MCU: variants seen among roughly 807,000 people sequenced by gnomAD.
The protein encoded by MCU is mitochondrial calcium uniporter.
A neutral mutation model predicts 45.2 loss-of-function variants in MCU; 12 were observed. The ratio of observed to expected loss-of-function variants is 0.27; its 90% CI spans 0.17 to 0.43. The LOEUF (loss-of-function observed/expected upper bound fraction) is 0.43, where lower values mean the gene tolerates loss of function less well. Ranked by LOEUF, MCU falls within the 20% of genes least tolerant of loss-of-function variation. MCU has a pLI of 1.00. For missense variants in MCU, 324 were observed against 436.7 expected (o/e 0.74, Z 2.30); for synonymous variants, 160 against 165.1 (o/e 0.97, Z 0.24).
chr10:72,847,010 C>T (rs574817595), intron 2 of MCU, among the ~76,000 whole-genome samples: 1 of 152,274 alleles, frequency 6.6e-6, no homozygotes, highest in South Asian at 2.1e-4. Context: ...CTCACCCTGT[C>T]GCCCGGGCTG....
chr10:72,725,280 C>T (rs1452935025), intron 1 of MCU, among the ~76,000 whole-genome samples: 1 of 152,168 alleles, frequency 6.6e-6, no homozygotes, highest in African/African-American at 2.4e-5. Context: ...TGCCTGCTAC[C>T]ACACCTGGCT....
intron 1 of MCU, among the ~76,000 whole-genome samples, chr10:72,772,688 A>G (rs1158372892): frequency 6.6e-6 from 1 of 152,218 alleles, no homozygotes; most frequent in South Asian, 2.1e-4. Context: ...TGACAGAGTG[A>G]GACTCTGTCT....
In MCU at chr10:72,791,688, A is replaced by G. The variant is rs530274738; in HGVS notation, c.151-42671A>G. On this transcript the variant is annotated intron_variant, in intron 1 of 7. Coordinates refer to ENST00000373053, the MANE Select transcript of MCU (RefSeq NM_138357.3). ...TTGAAATGCACAAATCACCGGTGCA[A>G]CTAATCTGAATAATTAGTAACTGAG... Among the ~76,000 whole-genome samples, 4 of 152,254 alleles carry G rather than the reference A, an allele frequency of 2.6e-5. No individual in the cohort carries two copies. The East Asian group carries it at 7.7e-4, about 29-fold the overall frequency.
chr10:72,831,202 G>A (rs1346198426), intron 1 of MCU, among the ~76,000 whole-genome samples: 2 of 152,180 alleles, frequency 1.3e-5, no homozygotes, highest in South Asian at 2.1e-4. Context: ...AATAAATGAT[G>A]TTGTCATGTT....
intron 1 of MCU, among the ~76,000 whole-genome samples, chr10:72,740,719 A>C (rs1296121455): frequency 6.6e-6 from 1 of 152,254 alleles, no homozygotes; most frequent in African/African-American, 2.4e-5. Context: ...TCAAACCAGC[A>C]GGTGCTATGA....
chr10:72,858,809 C>G (rs920040656), intron 2 of MCU, among the ~76,000 whole-genome samples: 1 of 152,190 alleles, frequency 6.6e-6, no homozygotes, highest in African/African-American at 2.4e-5. Context: ...GTCCTACAGG[C>G]TATGAAGTCT....
chr10:72,834,322 C>G (rs764531879), intron 1 of MCU, 37 bp from the exon 2 acceptor site: 1 of 1,516,530 alleles, frequency 6.6e-7, no homozygotes, highest in Non-Finnish European at 9.2e-7. Flanking sequence ...GTTTGTTGTT[C>G]CATTCTGACA....
intron 1 of MCU, among the ~76,000 whole-genome samples, chr10:72,810,007 CATGT>C (rs1218819539): frequency 8.9e-6 from 1 of 112,744 alleles, no homozygotes; most frequent in African/African-American, 2.5e-5. Context: ...TCTGTGTGTG[CATGT>C]GTGTGTGTGT....
intron 1 of MCU, among the ~76,000 whole-genome samples, chr10:72,796,852 G>T (rs1192948274): frequency 1.3e-5 from 2 of 152,006 alleles, no homozygotes; most frequent in East Asian, 3.9e-4. Context: ...CCTTGACCAA[G>T]AATTATTTAA....
intron 1 of MCU, among the ~76,000 whole-genome samples, chr10:72,823,170 T>C (rs1365215525): frequency 3.9e-5 from 6 of 152,238 alleles, no homozygotes; most frequent in Non-Finnish European, 8.8e-5. Context: ...TACAATGGAA[T>C]ATTATTTGGC....
chr10:72,847,190 A>T (rs1221511679), intron 2 of MCU, among the ~76,000 whole-genome samples: 3 of 152,060 alleles, frequency 2.0e-5, no homozygotes. Context: ...GGCCAGGGTG[A>T]TCTAGAACTC....
chr10:72,750,972 A>G (rs539995908), intron 1 of MCU, among the ~76,000 whole-genome samples: 3 of 152,220 alleles, frequency 2.0e-5, no homozygotes, highest in East Asian at 3.9e-4. Context: ...GCATGTTTCA[A>G]TAGTTTGATA....
chr10:72,835,160 A>G (rs946524065), intron 2 of MCU, among the ~76,000 whole-genome samples: 8 of 152,202 alleles, frequency 5.3e-5, no homozygotes, highest in Admixed American at 3.3e-4. Flanking sequence ...TAGGACTGCA[A>G]TACTCTTCTT....
rs141001484 is a variant in MCU at position 72,796,067 on chromosome 10, C to T, written c.151-38292C>T. ...GATCCACCAAGAGTTTCTCACAAAA[C>T]ACCAGGAAACCCAGGTCCATACTCT... On this transcript the variant is annotated intron_variant, in intron 1 of 7. Coordinates refer to ENST00000373053, the MANE Select transcript of MCU (RefSeq NM_138357.3). Among the ~76,000 whole-genome samples the T allele has an allele frequency of 5.9e-3, 903 of 152,222 alleles. 11 individuals are homozygous for T. Among genetic ancestry groups the T allele is most frequent in the African/African-American group, 0.02 (851 of 41,532 alleles).
At chr10:72,877,646 C>T (rs1360743228) in intron 6 of MCU, among the ~76,000 whole-genome samples, 1 of 151,858 alleles carries the variant, frequency 6.6e-6, no homozygotes, top group Non-Finnish European at 1.5e-5. Context: ...AGAGAACTAA[C>T]AAAATAGCAA....
intron 1 of MCU, among the ~76,000 whole-genome samples, chr10:72,807,678 GC>G (rs1844473329): frequency 6.6e-6 from 1 of 151,988 alleles, no homozygotes; most frequent in African/African-American, 2.4e-5. Flanking sequence ...CATAAGCTTT[GC>G]TCAGAAAATA....
chr10:72,746,489 T>G (rs182221409), intron 1 of MCU, among the ~76,000 whole-genome samples: 1 of 152,354 alleles, frequency 6.6e-6, no homozygotes, highest in Admixed American at 6.5e-5. Flanking sequence ...ATGCTCTGAT[T>G]AAGTTGAATG....
chr10:72,884,455 T>C lies in MCU; in HGVS notation c.978+73T>C, dbSNP rs1454567895. The C allele has an allele frequency of 3.6e-6, 3 of 831,572 alleles. No homozygotes were observed. In the African/African-American group the frequency reaches 5.1e-5, roughly 14 times the overall value. The allele number at this position is 831,572 out of a possible 1,614,324, so 51.5% of individuals were successfully genotyped here. A position where few individuals can be genotyped will look rare whatever the true frequency, so the allele number is the denominator to read the frequency against. ...TTATTATTATTATCCACAGCCACGG[T>C]TCTTCAAATGAGTAAACTGAAGGAA... is the stretch of plus-strand genomic sequence containing the variant. On this transcript the variant is annotated intron_variant, in intron 7 of 7. Coordinates refer to ENST00000373053, the MANE Select transcript of MCU (RefSeq NM_138357.3).
At position 72,793,473 on chromosome 10, in the gene MCU, A is replaced by G. The variant is rs1284975060; in HGVS notation, c.151-40886A>G. ...GTTTAATTTATTAAAGCAGGAATAT[A>G]CTGGGTTCTGGTTATCTGTTGCTTT... On this transcript the variant is annotated intron_variant, in intron 1 of 7. Transcript: ENST00000373053. Among the ~76,000 whole-genome samples the G allele has an allele frequency of 2.6e-5, 4 of 152,288 alleles. No individual in the cohort carries two copies. The East Asian group carries it at 5.8e-4, about 22-fold the overall frequency.
Sources: allele counts gnomAD v4.1 joint callset (sites outside exome capture counted in the v4.1 genomes callset), GRCh38; gene constraint gnomAD v4.1.1; transcripts MANE v1.5; gene names NCBI Gene and HGNC (gene_info 2026-07-23, HGNC 2026-07-21).